The following HM13 variants were observed in gnomAD, a reference collection of about 807,000 sequenced individuals.
HM13 encodes the protein histocompatibility minor 13.
In HM13, 18 loss-of-function variants were observed where a neutral mutation model predicts 50.0. The ratio of observed to expected loss-of-function variants is 0.36; its 90% CI spans 0.25 to 0.53. The LOEUF (loss-of-function observed/expected upper bound fraction) is 0.53, where lower values mean the gene tolerates loss of function less well. Ranked by LOEUF, HM13 falls within the 20% of genes least tolerant of loss-of-function variation. The pLI is 0.90. For missense variants in HM13, 393 were observed against 552.4 expected (o/e 0.71, Z 2.89); for synonymous variants, 197 against 232.6 (o/e 0.85, Z 1.39).
At chr20:31,565,844 GC>G (rs538502510) in intron 10 of HM13, among the ~76,000 whole-genome samples, 202 of 152,266 alleles carry the variant, frequency 1.3e-3, no homozygotes, top group African/African-American at 4.7e-3. Flanking sequence ...ATCTCCTGGA[GC>G]ATTTGCTAAA....
intron 3 of HM13, chr20:31,541,711 A>G (rs1317984470): frequency 1.3e-5 from 2 of 152,256 alleles, no homozygotes; most frequent in African/African-American, 2.4e-5. Flanking sequence ...TGGTCTACCA[A>G]TTAAATGGAT....
chr20:31,568,044 CTT>C (rs201719330), intron 11 of HM13, 32 bp from the exon 12 acceptor site: 1 of 1,545,438 alleles, frequency 6.5e-7, no homozygotes, highest in Non-Finnish European at 8.8e-7. Context: ...CTATCCATCT[CTT>C]TTTTTCTGTC....
chr20:31,539,167 G>T, intron 3 of HM13: 1 of 985,474 alleles, frequency 1.0e-6, no homozygotes, highest in Non-Finnish European at 1.2e-6. Flanking sequence ...GGACAGGCCA[G>T]TTCTCCATTC....
intron 1 of HM13, among the ~76,000 whole-genome samples, chr20:31,526,694 A>G (rs1163567841): frequency 6.6e-6 from 1 of 152,168 alleles, no homozygotes; most frequent in East Asian, 1.9e-4. Context: ...CTGCCAGTCA[A>G]ATTTCTTAAA....
chr20:31,526,262 G>A (rs1016816768), intron 1 of HM13, among the ~76,000 whole-genome samples: 4 of 151,556 alleles, frequency 2.6e-5, no homozygotes, highest in African/African-American at 9.7e-5. Flanking sequence ...GGGTTCAAGC[G>A]ATTCTCCTGA....
In HM13 at chr20:31,555,151, C is replaced by T. The variant is rs373918856; in HGVS notation, c.808+322C>T. 5.1e-4 allele frequency among the ~76,000 whole-genome samples: 77 copies of T among 152,330 alleles called. 2 individuals carry two copies. In the South Asian group the frequency reaches 0.015, roughly 30 times the overall value. On this transcript the variant is annotated intron_variant, in intron 8 of 12. Transcript: ENST00000398174. ...GATTGAGGTACACTCTGAAAAAGCA[C>T]GTTTCATGACAATCTTAACAGACTG...
At chr20:31,524,795 G>A (rs191301399) in intron 1 of HM13, among the ~76,000 whole-genome samples, 48 of 141,384 alleles carry the variant, frequency 3.4e-4, no homozygotes, top group African/African-American at 9.7e-4. Context: ...CTCACTGCAC[G>A]CTCCGCCTCC....
At position 31,561,609 on chromosome 20, in the gene HM13, C is replaced by T. The variant is rs374220357; in HGVS notation, c.846-25C>T. The T allele has an allele frequency of 9.3e-6, 14 of 1,510,458 alleles. No homozygotes were observed. The African/African-American group carries it at 1.1e-4, about 12-fold the overall frequency. The allele number at this position is 1,510,458 out of a possible 1,614,324, so 93.6% of individuals were successfully genotyped here. On this transcript the variant is annotated intron_variant, in intron 9 of 12. Coordinates refer to ENST00000398174, the MANE Select transcript of HM13 (RefSeq NM_178581.3). Reference sequence around the variant, plus strand: ...TCAGTCCCTATATCTAACCCTCCTCCTCTTTCTTCACACCTTCCCTGCAGC... The same window carrying T: ...TCAGTCCCTATATCTAACCCTCCTCTTCTTTCTTCACACCTTCCCTGCAGC...
intron 12 of HM13, among the ~76,000 whole-genome samples, chr20:31,568,780 C>A (rs1169281988): frequency 2.6e-5 from 4 of 152,214 alleles, no homozygotes; most frequent in Non-Finnish European, 4.4e-5. Flanking sequence ...TCTCTTGTAG[C>A]CTTGTCATGG....
At chr20:31,515,004 C>T (rs1292909291) in intron 1 of HM13, among the ~76,000 whole-genome samples, 1 of 152,220 alleles carries the variant, frequency 6.6e-6, no homozygotes, top group East Asian at 1.9e-4. Context: ...CCTCCCTGTG[C>T]ATCATGCCGC....
intron 2 of HM13, 77 bp from the exon 3 acceptor site, chr20:31,538,102 A>G: frequency 6.4e-7 from 1 of 1,568,122 alleles, no homozygotes; most frequent in Non-Finnish European, 8.7e-7. Flanking sequence ...AACCTCCAGA[A>G]GAGACGCAGG....
At chr20:31,538,039 A>G (rs1983214034) in intron 2 of HM13, 140 bp from the exon 3 acceptor site, 1 of 846,242 alleles carries the variant, frequency 1.2e-6, no homozygotes. Flanking sequence ...GAATGCCACT[A>G]GTATTGTCTG....
intron 3 of HM13, among the ~76,000 whole-genome samples, chr20:31,542,635 C>G (rs1983509007): frequency 6.6e-6 from 1 of 152,188 alleles, no homozygotes; most frequent in African/African-American, 2.4e-5. Flanking sequence ...CCTCTATTCT[C>G]AAGTCCACAG....
Position 31,514,462 on chromosome 20 carries a change from A to G in HM13, c.-90A>G. 1 of 1,399,382 alleles carries G rather than the reference A, an allele frequency of 7.1e-7. No homozygotes were observed. Among genetic ancestry groups the G allele is most frequent in the Non-Finnish European group, 9.7e-7 (1 of 1,030,024 alleles). 86.7% of individuals were successfully genotyped at this position (1,399,382 alleles called of 1,614,324 possible). A position where few individuals can be genotyped will look rare whatever the true frequency, so the allele number is the denominator to read the frequency against. Reference sequence around the variant, plus strand: ...ACGTCACTTCCTGTTGCCTTAGGGGAACGTGGCTTTCCCTGCAGAGCCGGT... The same window carrying G: ...ACGTCACTTCCTGTTGCCTTAGGGGGACGTGGCTTTCCCTGCAGAGCCGGT... On this transcript the variant is annotated 5_prime_UTR_variant, in exon 1 of 13. Coordinates refer to ENST00000398174, the MANE Select transcript of HM13 (RefSeq NM_178581.3). The surrounding 1 kb of genome is among the most constrained non-coding windows in gnomAD (Gnocchi z 4.3).
intron 4 of HM13, chr20:31,548,283 A>C: frequency 2.3e-6 from 1 of 437,912 alleles, no homozygotes. Context: ...GAGTGTCTGG[A>C]CTCTGTGACT....
chr20:31,548,678 TA>T (rs1425770415), intron 4 of HM13: 17 of 333,698 alleles, frequency 5.1e-5, no homozygotes, highest in Admixed American at 2.0e-4. Flanking sequence ...TTTTTACAGA[TA>T]AGAAAACTGA....
In HM13 at chr20:31,568,215, C is replaced by A; in HGVS notation, c.1172C>A (p.Pro391His). 1 of 1,612,664 alleles carries A rather than the reference C, an allele frequency of 6.2e-7. No individual in the cohort carries two copies. The highest frequency in any genetic ancestry group is 8.5e-7 in the Non-Finnish European group (1 of 1,179,806). The stretch of plus-strand genomic sequence containing the variant: ...CCTCGCCGCCGGCGCCCGCAGAATC[C>A]CAGCGCCATGTAATGCCCAGCGGGT... ...AGPRRRRPQN[P>H]SAIYEESNPK... The change falls in exon 12 of 13, where the codon CCC (proline) becomes CAC (histidine). Residue 391 changes from proline to histidine, a missense_variant. Around this residue, in one of 3 missense-constraint regions of HM13, gnomAD observed 105 missense variants for 115.9 expected, o/e 0.91. Coordinates refer to ENST00000398174, the MANE Select transcript of HM13 (RefSeq NM_178581.3).
chr20:31,568,663 C>T (rs186865090), intron 12 of HM13, among the ~76,000 whole-genome samples: 10 of 152,352 alleles, frequency 6.6e-5, no homozygotes, highest in Non-Finnish European at 1.5e-4. Context: ...GCCAGGGTGT[C>T]TGTCTTCAGA....
intron 7 of HM13, among the ~76,000 whole-genome samples, chr20:31,552,989 A>G (rs1453876742): frequency 6.6e-6 from 1 of 151,984 alleles, no homozygotes; most frequent in Non-Finnish European, 1.5e-5. Context: ...ATATATGTAT[A>G]TATGTATAAA....
Sources: allele counts gnomAD v4.1 joint callset (sites outside exome capture counted in the v4.1 genomes callset), GRCh38; gene constraint gnomAD v4.1.1; regional missense constraint gnomAD v4.1.1; non-coding constraint Gnocchi (gnomAD v3.1); transcripts MANE v1.5; gene names NCBI Gene and HGNC (gene_info 2026-07-23, HGNC 2026-07-21).